The following OCIAD2 variants were observed in gnomAD, a reference collection of about 807,000 sequenced individuals.
OCIAD2 encodes OCIA domain-containing protein 2.
In OCIAD2, 29 loss-of-function variants were observed where a neutral mutation model predicts 22.9. That is an observed-to-expected ratio of 1.27 (90% CI 0.94 to 1.73). OCIAD2 has a LOEUF of 1.73. Ranked by LOEUF, OCIAD2 falls within the 40% of genes most tolerant of loss-of-function variation. The pLI, the probability that OCIAD2 is intolerant of heterozygous loss-of-function variation, is 0.00. For synonymous variants in OCIAD2, 67 were observed against 60.2 expected (o/e 1.11, Z -0.52); for missense variants, 189 against 180.3 (o/e 1.05, Z -0.28).
intron 6 of OCIAD2, 142 bp from the exon 7 acceptor site, chr4:48,885,707 G>C (rs1037910061): frequency 3.4e-5 from 19 of 558,916 alleles, no homozygotes; most frequent in Non-Finnish European, 5.7e-5. Flanking sequence ...GCCCAGGCTG[G>C]TCTCGAGGGC....
chr4:48,906,296 C>G (rs565979853), intron 1 of OCIAD2, among the ~76,000 whole-genome samples: 1 of 152,128 alleles, frequency 6.6e-6, no homozygotes, highest in Non-Finnish European at 1.5e-5. Context: ...TGGGTGCTGA[C>G]CGACGAATGT....
At chr4:48,892,947 G>A in intron 5 of OCIAD2, 58 bp from the exon 6 acceptor site, 1 of 854,292 alleles carries the variant, frequency 1.2e-6, no homozygotes, top group Non-Finnish European at 1.8e-6. Flanking sequence ...TTATTTTCTA[G>A]AGCTTTAAAA....
In OCIAD2 at chr4:48,904,516, T is replaced by A; in HGVS notation, c.34A>T (p.Lys12Ter). 1.2e-6 allele frequency: 2 copies of A among 1,614,148 alleles called. No individual in the cohort carries two copies. Among genetic ancestry groups the A allele is most frequent in the Non-Finnish European group, 8.5e-7 (1 of 1,180,010 alleles). ...ASASARGNQD[K>*]DAHFPPPSKQ... ...CTTGGTGGTGGAAAATGGGCATCTT[T>A]ATCTTGGTTTCCACGAGCAGACGCT... is the stretch of plus-strand genomic sequence containing the variant. Residue 12 changes from lysine to a stop codon, truncating the protein, a stop_gained, in exon 2 of 7, where the codon AAA (lysine) becomes TAA (stop). Coordinates refer to ENST00000508632, the MANE Select transcript of OCIAD2 (RefSeq NM_001014446.3). LOFTEE classifies it high-confidence loss of function.
chr4:48,899,688 A>G, intron 3 of OCIAD2, 141 bp downstream of exon 3: 1 of 612,386 alleles, frequency 1.6e-6, no homozygotes, highest in Non-Finnish European at 2.8e-6. Flanking sequence ...CTGAACTTGG[A>G]TTTAAACTCT....
chr4:48,889,512 C>T (rs967055272), intron 6 of OCIAD2, among the ~76,000 whole-genome samples: 5 of 152,130 alleles, frequency 3.3e-5, no homozygotes, highest in African/African-American at 9.7e-5. Flanking sequence ...AAAAGGCTCA[C>T]CATCACTGGT....
At chr4:48,901,364 C>A (rs1262140157) in intron 2 of OCIAD2, among the ~76,000 whole-genome samples, 14 of 152,088 alleles carry the variant, frequency 9.2e-5, no homozygotes. Context: ...GTGACAGAGT[C>A]TTGCTAGACC....
chr4:48,889,497 C>G (rs1781101836), intron 6 of OCIAD2, among the ~76,000 whole-genome samples: 1 of 152,178 alleles, frequency 6.6e-6, no homozygotes, highest in Non-Finnish European at 1.5e-5. Flanking sequence ...CCAACAGACA[C>G]ATGAAAAAGG....
intron 6 of OCIAD2, among the ~76,000 whole-genome samples, chr4:48,891,279 C>T (rs545780291): frequency 6.6e-6 from 1 of 152,266 alleles, no homozygotes; most frequent in East Asian, 1.9e-4. Context: ...CCCTCCCCTC[C>T]ACCTCAACTG....
At chr4:48,889,724 A>G (rs555152921) in intron 6 of OCIAD2, among the ~76,000 whole-genome samples, 1 of 152,320 alleles carries the variant, frequency 6.6e-6, no homozygotes, top group Non-Finnish European at 1.5e-5. Context: ...TAGAACTAGA[A>G]ATACCATTTG....
intron 6 of OCIAD2, 91 bp from the exon 7 acceptor site, chr4:48,885,656 T>G (rs1388522031): frequency 1.4e-6 from 1 of 721,720 alleles, no homozygotes; most frequent in Admixed American, 2.3e-5. Flanking sequence ...TATTTTAACA[T>G]AATCTTTTTA....
At chr4:48,905,247 T>A (rs1459720246) in intron 1 of OCIAD2, among the ~76,000 whole-genome samples, 1 of 152,020 alleles carries the variant, frequency 6.6e-6, no homozygotes, top group Non-Finnish European at 1.5e-5. Flanking sequence ...TAGCCACTGT[T>A]AATATTTGAC....
chr4:48,894,086 C>A, intron 4 of OCIAD2, 33 bp from the exon 5 acceptor site: 2 of 1,100,012 alleles, frequency 1.8e-6, no homozygotes, highest in South Asian at 2.1e-5. Context: ...ATTATTATTT[C>A]ATTTCATAAA....
chr4:48,904,740 C>T, intron 1 of OCIAD2, 129 bp from the exon 2 acceptor site: 1 of 616,656 alleles, frequency 1.6e-6, no homozygotes, highest in Non-Finnish European at 2.9e-6. Flanking sequence ...CATCTGCAAA[C>T]TCAACTTCCA....
At position 48,885,259 on chromosome 4, in the gene OCIAD2, G is replaced by T; in HGVS notation, c.*225C>A. On this transcript the variant is annotated 3_prime_UTR_variant, in exon 7 of 7. Coordinates refer to ENST00000508632, the MANE Select transcript of OCIAD2 (RefSeq NM_001014446.3). The stretch of plus-strand genomic sequence containing the variant: ...CTGCCTCGGCCTCCCAAAGTACTGG[G>T]ATTACAGGCATGAGCCACTGCGCCA... The T allele has an allele frequency of 2.1e-6, 1 of 473,416 alleles. No individual in the cohort carries two copies. Among genetic ancestry groups the T allele is most frequent in the Middle Eastern group, 6.0e-4 (1 of 1,678 alleles). 29.3% of individuals were successfully genotyped at this position (473,416 alleles called of 1,614,324 possible).
intron 2 of OCIAD2, 90 bp from the exon 3 acceptor site, chr4:48,900,015 A>G (rs1781381313): frequency 7.0e-6 from 6 of 858,984 alleles, no homozygotes; most frequent in Non-Finnish European, 1.1e-5. Flanking sequence ...AGGTCTCTTC[A>G]CTTGTTACAC....
intron 6 of OCIAD2, among the ~76,000 whole-genome samples, chr4:48,891,274 C>G (rs1391478334): frequency 6.6e-6 from 1 of 152,184 alleles, no homozygotes; most frequent in East Asian, 1.9e-4. Flanking sequence ...CTTAACCCTC[C>G]CCTCCACCTC....
At position 48,892,754 on chromosome 4, in the gene OCIAD2, A is replaced by T. The variant is rs771730841; in HGVS notation, c.383+18T>A. The T allele has an allele frequency of 8.0e-7, 1 of 1,251,530 alleles. No homozygotes were observed. The highest frequency in any genetic ancestry group is 2.4e-5 in the East Asian group (1 of 42,460). 77.5% of individuals were successfully genotyped at this position (1,251,530 alleles called of 1,614,324 possible). ...CTTATAATTACATTACAATCCCTCAACCAAACAGATTACAAACCTGTTATG... is the reference window on the plus strand; with the variant it reads ...CTTATAATTACATTACAATCCCTCATCCAAACAGATTACAAACCTGTTATG... On this transcript the variant is annotated intron_variant, in intron 6 of 6. Transcript: ENST00000508632.
intron 6 of OCIAD2, among the ~76,000 whole-genome samples, chr4:48,887,851 G>A (rs1178160163): frequency 6.6e-6 from 1 of 152,126 alleles, no homozygotes; most frequent in Non-Finnish European, 1.5e-5. Flanking sequence ...GAATTTTAAG[G>A]TAGTTTTTTC....
intron 4 of OCIAD2, among the ~76,000 whole-genome samples, chr4:48,894,882 T>A (rs1228821452): frequency 1.3e-5 from 2 of 151,906 alleles, no homozygotes; most frequent in Non-Finnish European, 2.9e-5. Context: ...CTGGAAAAGG[T>A]GAATATATTA....
Sources: gnomAD v4.1 joint callset for allele counts (sites outside exome capture counted in the v4.1 genomes callset) on GRCh38, gnomAD v4.1.1 for gene constraint, MANE v1.5 for transcripts, NCBI Gene and HGNC (gene_info 2026-07-23, HGNC 2026-07-21) for gene names.